The following MAN1A1 variants were observed in gnomAD, a reference collection of about 807,000 sequenced individuals.
The protein encoded by MAN1A1 is mannosidase alpha class 1A member 1.
A neutral mutation model predicts 70.8 loss-of-function variants in MAN1A1; 29 were observed. The observed-to-expected ratio is 0.41, with a 90% CI of 0.31 to 0.56. The LOEUF (loss-of-function observed/expected upper bound fraction) is 0.56, where lower values mean the gene tolerates loss of function less well. MAN1A1 is among the 20% of genes least tolerant of loss of function. The probability of loss-of-function intolerance (pLI) is 0.29; values close to 1 mark genes in which losing one functional copy is unlikely to be tolerated. For missense variants in MAN1A1, 747 were observed against 841.3 expected (o/e 0.89, Z 1.39); for synonymous variants, 349 against 330.1 (o/e 1.06, Z -0.62).
At chr6:119,276,473 T>C (rs1776067617) in intron 5 of MAN1A1, among the ~76,000 whole-genome samples, 1 of 152,194 alleles carries the variant, frequency 6.6e-6, no homozygotes, top group Non-Finnish European at 1.5e-5. Context: ...ATGTTAAAAA[T>C]TGGAAGCCTG....
chr6:119,331,182 TA>T (rs1286072114), intron 2 of MAN1A1, among the ~76,000 whole-genome samples: 1 of 152,218 alleles, frequency 6.6e-6, no homozygotes, highest in Non-Finnish European at 1.5e-5. Context: ...TAAGATCAAT[TA>T]AACAGAGCCT....
At chr6:119,201,383 A>G in intron 7 of MAN1A1, 36 bp from the exon 8 acceptor site, 1 of 1,437,342 alleles carries the variant, frequency 7.0e-7, no homozygotes, top group Admixed American at 1.7e-5. Context: ...GTGAAAATCT[A>G]AAAAACAATT....
intron 6 of MAN1A1, among the ~76,000 whole-genome samples, chr6:119,217,439 G>T (rs771978089): frequency 6.6e-6 from 1 of 152,022 alleles, no homozygotes; most frequent in African/African-American, 2.4e-5. Flanking sequence ...GCACCACCAC[G>T]CCTGGCTAAT....
chr6:119,290,042 A>G (rs1391183481), intron 5 of MAN1A1, among the ~76,000 whole-genome samples: 1 of 152,040 alleles, frequency 6.6e-6, no homozygotes, highest in East Asian at 1.9e-4. Context: ...AAACCTTTCA[A>G]GAAAATAGCA....
At chr6:119,206,262 T>C (rs1000531047) in intron 6 of MAN1A1, among the ~76,000 whole-genome samples, 7 of 152,218 alleles carry the variant, frequency 4.6e-5, no homozygotes, top group African/African-American at 1.7e-4. Context: ...GTGGAATTCT[T>C]GCTTTCCTCT....
At chr6:119,314,505 CT>C (rs1772798255) in intron 2 of MAN1A1, among the ~76,000 whole-genome samples, 1 of 152,164 alleles carries the variant, frequency 6.6e-6, no homozygotes. Context: ...ATTATTATCC[CT>C]GTTTTACATA....
At chr6:119,303,596 C>T (rs7764238) in intron 3 of MAN1A1, among the ~76,000 whole-genome samples, 57,411 of 151,962 alleles carry the variant, frequency 0.38, 11,330 homozygotes, top group Non-Finnish European at 0.41. Flanking sequence ...ATTTACGTAA[C>T]TGTATACTTG....
chr6:119,247,135 T>C (rs1582732862), intron 6 of MAN1A1, among the ~76,000 whole-genome samples: 1 of 152,202 alleles, frequency 6.6e-6, no homozygotes, highest in African/African-American at 2.4e-5. Flanking sequence ...TGATTAATAT[T>C]TGGACAGAAT....
At chr6:119,184,226 G>A (rs1356265616) in intron 11 of MAN1A1, among the ~76,000 whole-genome samples, 1 of 152,092 alleles carries the variant, frequency 6.6e-6, no homozygotes, top group Non-Finnish European at 1.5e-5. Flanking sequence ...CTGTTCTTGG[G>A]ATTCTCAGCC....
At chr6:119,201,866 T>C (rs1351534609) in intron 7 of MAN1A1, among the ~76,000 whole-genome samples, 1 of 152,210 alleles carries the variant, frequency 6.6e-6, no homozygotes, top group African/African-American at 2.4e-5. Flanking sequence ...TATAGGGTTA[T>C]ACATTTTATA....
intron 2 of MAN1A1, among the ~76,000 whole-genome samples, chr6:119,340,098 A>C (rs1360420117): frequency 6.6e-6 from 1 of 152,182 alleles, no homozygotes; most frequent in Non-Finnish European, 1.5e-5. Flanking sequence ...CTCAAAAACA[A>C]AAACAAAACA....
intron 6 of MAN1A1, among the ~76,000 whole-genome samples, chr6:119,241,227 CAGA>C (rs1562206836): frequency 6.6e-6 from 1 of 151,970 alleles, no homozygotes; most frequent in Non-Finnish European, 1.5e-5. Context: ...GGCTGCTTTC[CAGA>C]AGAAGCAACA....
At chr6:119,323,214 AG>A (rs1164170764) in intron 2 of MAN1A1, among the ~76,000 whole-genome samples, 1 of 152,202 alleles carries the variant, frequency 6.6e-6, no homozygotes, top group Non-Finnish European at 1.5e-5. Context: ...TGAATCAAAA[AG>A]GTTTTGTTTC....
chr6:119,290,493 C>G (rs1046904218), intron 5 of MAN1A1, among the ~76,000 whole-genome samples, 190 bp downstream of exon 5: 5 of 151,996 alleles, frequency 3.3e-5, no homozygotes, highest in South Asian at 4.1e-4. Flanking sequence ...ACAATATGTT[C>G]TGCCAAACTT....
At chr6:119,329,828 G>A (rs570966985) in intron 2 of MAN1A1, among the ~76,000 whole-genome samples, 2 of 152,234 alleles carry the variant, frequency 1.3e-5, no homozygotes, top group African/African-American at 4.8e-5. Flanking sequence ...CTGCAATACA[G>A]CTGCTACCCT....
At chr6:119,185,597 G>A (rs1301026039) in intron 11 of MAN1A1, among the ~76,000 whole-genome samples, 1 of 152,058 alleles carries the variant, frequency 6.6e-6, no homozygotes, top group East Asian at 1.9e-4. Context: ...TTTTTTTGGA[G>A]TTGGAGTCTT....
At chr6:119,320,994 G>A (rs1171243552) in intron 2 of MAN1A1, among the ~76,000 whole-genome samples, 1 of 152,076 alleles carries the variant, frequency 6.6e-6, no homozygotes, top group Non-Finnish European at 1.5e-5. Context: ...TTTCTAGTCA[G>A]CAAAACTGAT....
chr6:119,255,137 T>C (rs942015981), intron 5 of MAN1A1, among the ~76,000 whole-genome samples: 2 of 152,220 alleles, frequency 1.3e-5, no homozygotes, highest in African/African-American at 4.8e-5. Flanking sequence ...TAGGAATATA[T>C]ACATGCCAGA....
At chr6:119,273,942 C>T (rs139394000) in intron 5 of MAN1A1, among the ~76,000 whole-genome samples, 1 of 152,136 alleles carries the variant, frequency 6.6e-6, no homozygotes, top group Non-Finnish European at 1.5e-5. Flanking sequence ...GTGGGAATTG[C>T]AACACCAAGT....
Sources: gnomAD v4.1 joint callset for allele counts (sites outside exome capture counted in the v4.1 genomes callset) on GRCh38, gnomAD v4.1.1 for gene constraint, MANE v1.5 for transcripts, NCBI Gene and HGNC (gene_info 2026-07-23, HGNC 2026-07-21) for gene names.